The following HS3ST2 variants were observed in gnomAD, a reference collection of about 807,000 sequenced individuals.
The protein encoded by HS3ST2 is heparan sulfate glucosamine 3-O-sulfotransferase 2.
HS3ST2 carries 17 observed loss-of-function variants against 26.3 expected under a neutral mutation model. The ratio of observed to expected loss-of-function variants is 0.65; its 90% CI spans 0.44 to 0.97. The LOEUF (loss-of-function observed/expected upper bound fraction) is 0.97, where lower values mean the gene tolerates loss of function less well. Among genes scored for constraint, HS3ST2 ranks in the 50% least tolerant of loss-of-function variants. The pLI, the probability that HS3ST2 is intolerant of heterozygous loss-of-function variation, is 0.00. For synonymous variants in HS3ST2, 237 were observed against 219.2 expected (o/e 1.08, Z -0.72); for missense variants, 402 against 501.2 (o/e 0.80, Z 1.89).
At chr16:22,847,840 AAAGG>A (rs57557986) in intron 1 of HS3ST2, among the ~76,000 whole-genome samples, 3,774 of 151,276 alleles carry the variant, frequency 0.025, 147 homozygotes, top group African/African-American at 0.087. Context: ...AAAATAAAGA[AAAGG>A]AAGGAAGGAA....
intron 1 of HS3ST2, among the ~76,000 whole-genome samples, chr16:22,866,760 T>C (rs997262714): frequency 3.9e-5 from 6 of 152,012 alleles, no homozygotes; most frequent in African/African-American, 1.5e-4. Flanking sequence ...GCCAAGATTA[T>C]GTCACTGCAC....
intron 1 of HS3ST2, among the ~76,000 whole-genome samples, chr16:22,853,535 C>A (rs997924345): frequency 2.0e-5 from 3 of 152,172 alleles, no homozygotes; most frequent in Non-Finnish European, 4.4e-5. Flanking sequence ...ACATCTTCCC[C>A]TCTTCCTCCC....
At chr16:22,835,103 C>T (rs1361032742) in intron 1 of HS3ST2, among the ~76,000 whole-genome samples, 7 of 152,032 alleles carry the variant, frequency 4.6e-5, no homozygotes, top group Non-Finnish European at 1.0e-4. Flanking sequence ...TCATCTTCAT[C>T]TTTCAGTAAG....
intron 1 of HS3ST2, among the ~76,000 whole-genome samples, chr16:22,912,489 G>A (rs1902435695): frequency 6.6e-6 from 1 of 152,196 alleles, no homozygotes; most frequent in Admixed American, 6.5e-5. Context: ...GGGCAGGCGA[G>A]CCTTGGGGAG....
Position 22,916,199 on chromosome 16 carries a change from G to A in HS3ST2, c.*637G>A, listed in dbSNP as rs1256016436. Reference sequence around the variant, plus strand: ...AAACACTGTCTCTGAAAACAACTTTGTGATTCTCCCTGCTCCCTGTGGACA... The same window carrying A: ...AAACACTGTCTCTGAAAACAACTTTATGATTCTCCCTGCTCCCTGTGGACA... On this transcript the variant is annotated 3_prime_UTR_variant, in exon 2 of 2. Coordinates refer to ENST00000261374, the MANE Select transcript of HS3ST2 (RefSeq NM_006043.2). The A allele has an allele frequency of 1.3e-5, 2 of 152,862 alleles. No individual in the cohort carries two copies. The highest frequency in any genetic ancestry group is 2.1e-4 in the South Asian group (1 of 4,826). 9.5% of individuals were successfully genotyped at this position (152,862 alleles called of 1,614,324 possible). A position where few individuals can be genotyped will look rare whatever the true frequency, so the allele number is the denominator to read the frequency against.
At chr16:22,866,874 G>A (rs1381389854) in intron 1 of HS3ST2, among the ~76,000 whole-genome samples, 1 of 152,060 alleles carries the variant, frequency 6.6e-6, no homozygotes, top group African/African-American at 2.4e-5. Flanking sequence ...CAAAAGACCT[G>A]AGTAAGTACA....
At chr16:22,834,146 A>AT (rs1253321506) in intron 1 of HS3ST2, among the ~76,000 whole-genome samples, 2 of 152,086 alleles carry the variant, frequency 1.3e-5, no homozygotes, top group African/African-American at 2.4e-5. Flanking sequence ...TATCTTTTTC[A>AT]TTTTTTTGTG....
chr16:22,814,847 G>C lies in HS3ST2; in HGVS notation c.237G>C (p.Thr79=). Residue 79 remains threonine (T), a synonymous_variant, in exon 1 of 2, where the codon ACG becomes ACC. Coordinates refer to ENST00000261374, the MANE Select transcript of HS3ST2 (RefSeq NM_006043.2). ...GCCCCTGTGATCCCTCCGGGCCGAC[G>C]CCCAGCGAGCCCAGCGCTCCCAGCG... The part of the protein sequence containing the change: ...KSRPCDPSGP[T]PSEPSAPSAP... The C allele has an allele frequency of 6.4e-7, 1 of 1,561,190 alleles. No individual in the cohort carries two copies. Among genetic ancestry groups the C allele is most frequent in the South Asian group, 1.2e-5 (1 of 85,568 alleles).
Position 22,814,712 on chromosome 16 carries a change from T to C in HS3ST2, c.102T>C (p.Cys34=), listed in dbSNP as rs556519942. The change falls in exon 1 of 2, where the codon TGT becomes TGC. Residue 34 remains cysteine, a synonymous_variant. Coordinates refer to ENST00000261374, the MANE Select transcript of HS3ST2 (RefSeq NM_006043.2). ...TCTCGCTCTCCTGCACTTACCTGTG[T>C]TACAGCTTCCTGTGCTGCTGCGACG... ...FTLSLSCTYL[C]YSFLCCCDDL... The C allele has an allele frequency of 6.2e-7, 1 of 1,609,084 alleles. No homozygotes were observed. Among genetic ancestry groups the C allele is most frequent in the Non-Finnish European group, 8.5e-7 (1 of 1,178,498 alleles).
At chr16:22,913,212 A>T (rs1596635182) in intron 1 of HS3ST2, among the ~76,000 whole-genome samples, 1 of 149,252 alleles carries the variant, frequency 6.7e-6, no homozygotes, top group Non-Finnish European at 1.5e-5. Flanking sequence ...CTTCTCGGGT[A>T]GTTCTAACGC....
chr16:22,836,406 C>A (rs1177539128), intron 1 of HS3ST2, among the ~76,000 whole-genome samples: 2 of 152,152 alleles, frequency 1.3e-5, no homozygotes, highest in Non-Finnish European at 2.9e-5. Context: ...AGGAAACTTA[C>A]AACCATGGCA....
rs368170259 is a variant in HS3ST2 at position 22,915,280 on chromosome 16, C to T, written c.822C>T (p.Gly274=). ...TAGCTCAGATTCACTTCGTCAGTGG[C>T]GAGCGACTCATCACTGACCCGGCCG... ...FPLAQIHFVS[G]ERLITDPAGE... Residue 274 remains glycine (G), a synonymous_variant, in exon 2 of 2, where the codon GGC becomes GGT. Coordinates refer to ENST00000261374, the MANE Select transcript of HS3ST2 (RefSeq NM_006043.2). The T allele has an allele frequency of 3.4e-5, 55 of 1,613,988 alleles. No homozygotes were observed. The highest frequency in any genetic ancestry group is 1.6e-4 in the Middle Eastern group (1 of 6,084).
intron 1 of HS3ST2, among the ~76,000 whole-genome samples, chr16:22,845,206 T>C (rs180776401): frequency 6.8e-6 from 1 of 147,944 alleles, no homozygotes; most frequent in East Asian, 2.0e-4. Context: ...TTTATAGCAT[T>C]GGGAGAACAG....
chr16:22,844,798 A>G (rs971140867), intron 1 of HS3ST2, among the ~76,000 whole-genome samples: 13 of 151,880 alleles, frequency 8.6e-5, no homozygotes, highest in Admixed American at 4.6e-4. Context: ...AGGCCTCCCC[A>G]GCCATGCTTC....
intron 1 of HS3ST2, among the ~76,000 whole-genome samples, chr16:22,892,570 A>G (rs1902145734): frequency 6.6e-6 from 1 of 152,204 alleles, no homozygotes; most frequent in Non-Finnish European, 1.5e-5. Context: ...TTTAATAAAT[A>G]TTAGTATTAT....
chr16:22,868,270 G>A (rs578023566), intron 1 of HS3ST2, among the ~76,000 whole-genome samples: 4 of 151,934 alleles, frequency 2.6e-5, no homozygotes, highest in East Asian at 3.9e-4. Context: ...TTAGCTGGGC[G>A]TGGTGGCATG....
chr16:22,885,249 T>G (rs897692776), intron 1 of HS3ST2, among the ~76,000 whole-genome samples: 1 of 152,090 alleles, frequency 6.6e-6, no homozygotes, highest in Non-Finnish European at 1.5e-5. Context: ...TGCCCCAACT[T>G]TGTTTCTGTA....
intron 1 of HS3ST2, among the ~76,000 whole-genome samples, chr16:22,909,774 C>T (rs1332909041): frequency 6.6e-6 from 1 of 152,088 alleles, no homozygotes; most frequent in Non-Finnish European, 1.5e-5. Flanking sequence ...AGTGCGGAGG[C>T]TCATGCCTGT....
chr16:22,866,373 T>C (rs113682664), intron 1 of HS3ST2, among the ~76,000 whole-genome samples: 279 of 97,342 alleles, frequency 2.9e-3, no homozygotes, highest in African/African-American at 0.011. Context: ...GGTGTGCGTG[T>C]GTGTGTGTGT....
Sources: allele counts gnomAD v4.1 joint callset (sites outside exome capture counted in the v4.1 genomes callset), GRCh38; gene constraint gnomAD v4.1.1; transcripts MANE v1.5; gene names NCBI Gene and HGNC (gene_info 2026-07-23, HGNC 2026-07-21).